Variants in OSBP2 observed in about 807,000 individuals in gnomAD.
OSBP2 encodes oxysterol binding protein 2.
OSBP2 carries 66 observed loss-of-function variants against 96.0 expected under a neutral mutation model. The ratio of observed to expected loss-of-function variants is 0.69; its 90% CI spans 0.56 to 0.84. The LOEUF (loss-of-function observed/expected upper bound fraction) is 0.84. OSBP2 is among the 40% of genes least tolerant of loss of function. The pLI is 0.00. For missense variants in OSBP2, 1,038 were observed against 1,222.7 expected (o/e 0.85, Z 2.25); for synonymous variants, 525 against 520.9 (o/e 1.01, Z -0.11).
chr22:30,894,992 C>A (rs2040029870), intron 12 of OSBP2, among the ~76,000 whole-genome samples: 1 of 152,076 alleles, frequency 6.6e-6, no homozygotes, highest in Non-Finnish European at 1.5e-5. Flanking sequence ...GAAACTGACC[C>A]CAGAGGGAAG....
chr22:30,751,179 T>G (rs1275458145), intron 2 of OSBP2, among the ~76,000 whole-genome samples: 1 of 152,166 alleles, frequency 6.6e-6, no homozygotes, highest in Admixed American at 6.5e-5. Flanking sequence ...TGATTGAAGT[T>G]TCGTGTCTCC....
At chr22:30,788,863 C>T (rs2090634196) in intron 2 of OSBP2, among the ~76,000 whole-genome samples, 2 of 152,142 alleles carry the variant, frequency 1.3e-5, no homozygotes, top group Non-Finnish European at 2.9e-5. Context: ...CAGGCGCCTG[C>T]CACCACACCC....
chr22:30,720,990 C>T (rs879568802), intron 1 of OSBP2, among the ~76,000 whole-genome samples: 4 of 152,016 alleles, frequency 2.6e-5, no homozygotes, highest in Non-Finnish European at 4.4e-5. Context: ...TGTGGGAGGC[C>T]GAGGCAGGCA....
At chr22:30,790,528 CAT>C (rs1292997695) in intron 2 of OSBP2, among the ~76,000 whole-genome samples, 2 of 151,978 alleles carry the variant, frequency 1.3e-5, no homozygotes, top group Non-Finnish European at 2.9e-5. Context: ...TGCGCACACA[CAT>C]GTGGTTGCTC....
At chr22:30,898,282 G>A (rs568829256) in intron 12 of OSBP2, among the ~76,000 whole-genome samples, 16 of 151,866 alleles carry the variant, frequency 1.1e-4, no homozygotes, top group Non-Finnish European at 2.1e-4. Context: ...GAGCCCAGGA[G>A]GTCGAGGCTG....
chr22:30,905,889 G>A lies in OSBP2; in HGVS notation c.2428G>A (p.Glu810Lys), dbSNP rs765737055. 2.5e-6 allele frequency: 4 copies of A among 1,613,218 alleles called. No homozygotes were observed. Among genetic ancestry groups the A allele is most frequent in the East Asian group, 2.2e-5 (1 of 44,882 alleles). The change falls in exon 13 of 14, where the codon GAG (glutamate) becomes AAG (lysine). Residue 810 changes from glutamate (E) to lysine (K), a missense_variant. Around this residue, in one of 3 missense-constraint regions of OSBP2, gnomAD observed 737 missense variants for 913.3 expected, o/e 0.81. Coordinates refer to ENST00000332585, the MANE Select transcript of OSBP2 (RefSeq NM_030758.4). ...YFSELALTLN[E>K]HEEGVAPTDS... ...CTCAGAGCTGGCCCTGACCCTCAAC[G>A]AGCACGAGGAGGGCGTAGCGCCAAC...
intron 1 of OSBP2, among the ~76,000 whole-genome samples, chr22:30,715,049 T>C (rs1316822456): frequency 2.0e-5 from 3 of 151,884 alleles, no homozygotes; most frequent in Non-Finnish European, 4.4e-5. Flanking sequence ...CCACTGAAAA[T>C]GTTTCTTTTT....
At chr22:30,770,083 A>T (rs1215969148) in intron 2 of OSBP2, among the ~76,000 whole-genome samples, 2 of 147,072 alleles carry the variant, frequency 1.4e-5, no homozygotes, top group East Asian at 4.0e-4. Context: ...GTTCCTCATT[A>T]ACCTTCCCCC....
At chr22:30,736,753 T>A (rs1311383362) in intron 1 of OSBP2, among the ~76,000 whole-genome samples, 1 of 152,216 alleles carries the variant, frequency 6.6e-6, no homozygotes, top group Admixed American at 6.5e-5. Flanking sequence ...ATTATTCAAA[T>A]TCCATTAGTC....
chr22:30,768,132 C>T (rs1051268661), intron 2 of OSBP2, among the ~76,000 whole-genome samples: 3 of 152,062 alleles, frequency 2.0e-5, no homozygotes, highest in African/African-American at 7.2e-5. Context: ...AGTTTGAATG[C>T]ATGTGCAGAG....
At chr22:30,816,468 C>T (rs574182059) in intron 2 of OSBP2, among the ~76,000 whole-genome samples, 1 of 152,128 alleles carries the variant, frequency 6.6e-6, no homozygotes, top group Non-Finnish European at 1.5e-5. Flanking sequence ...ACCCACGTGG[C>T]GGGACTGATC....
At chr22:30,828,104 C>T (rs546828244) in intron 2 of OSBP2, among the ~76,000 whole-genome samples, 48 of 152,202 alleles carry the variant, frequency 3.2e-4, no homozygotes, top group Admixed American at 2.4e-3. Context: ...GCAGAACCTC[C>T]GAGCCTGGGG....
chr22:30,892,130 G>T (rs1007662871), intron 8 of OSBP2, among the ~76,000 whole-genome samples: 2 of 152,132 alleles, frequency 1.3e-5, no homozygotes, highest in South Asian at 4.1e-4. Context: ...GGGAGTGGAG[G>T]GGGCAGATGC....
At chr22:30,778,099 A>G (rs910706780) in intron 2 of OSBP2, among the ~76,000 whole-genome samples, 2 of 148,820 alleles carry the variant, frequency 1.3e-5, no homozygotes, top group African/African-American at 4.9e-5. Context: ...GGTTCAAGAG[A>G]TTCTTGTGCC....
chr22:30,803,598 G>A (rs1053942002), intron 2 of OSBP2, among the ~76,000 whole-genome samples: 1 of 152,218 alleles, frequency 6.6e-6, no homozygotes, highest in African/African-American at 2.4e-5. Context: ...CTTTTAGCAG[G>A]GGAAGGCAAG....
At chr22:30,844,240 TAA>T (rs2038820964) in intron 2 of OSBP2, among the ~76,000 whole-genome samples, 1 of 152,146 alleles carries the variant, frequency 6.6e-6, no homozygotes, top group Non-Finnish European at 1.5e-5. Flanking sequence ...AGCTTCAACT[TAA>T]AGTCACCAGC....
intron 4 of OSBP2, 86 bp downstream of exon 4, chr22:30,887,704 T>G: frequency 6.0e-6 from 7 of 1,170,016 alleles, no homozygotes; most frequent in Non-Finnish European, 8.4e-6. Context: ...CACATGCACA[T>G]CCCTGGCTGT....
At chr22:30,768,870 G>A (rs994509679) in intron 2 of OSBP2, among the ~76,000 whole-genome samples, 2 of 152,168 alleles carry the variant, frequency 1.3e-5, no homozygotes, top group Non-Finnish European at 2.9e-5. Context: ...TAACCTTCAC[G>A]TGGATCTGTA....
At chr22:30,899,279 A>T (rs558247057) in intron 12 of OSBP2, among the ~76,000 whole-genome samples, 3 of 151,798 alleles carry the variant, frequency 2.0e-5, no homozygotes, top group Non-Finnish European at 2.9e-5. Flanking sequence ...TGTAGTACAC[A>T]CCTGTAGTCC....
Sources: gnomAD v4.1 joint callset for allele counts (sites outside exome capture counted in the v4.1 genomes callset) on GRCh38, gnomAD v4.1.1 for gene constraint, gnomAD v4.1.1 regional missense constraint, MANE v1.5 for transcripts, NCBI Gene and HGNC (gene_info 2026-07-23, HGNC 2026-07-21) for gene names.